Variants in ABCD2 observed in about 807,000 individuals in gnomAD.
ABCD2 encodes the protein ATP-binding cassette sub-family D member 2.
Under a neutral mutation model 70.9 loss-of-function variants are expected in ABCD2, and 36 were observed. The observed-to-expected ratio is 0.51, with a 90% CI of 0.39 to 0.67. The LOEUF (loss-of-function observed/expected upper bound fraction) is 0.67. ABCD2 is among the 30% of genes least tolerant of loss of function. ABCD2 has a pLI of 0.00. For missense variants in ABCD2, 729 were observed against 890.2 expected (o/e 0.82, Z 2.30); for synonymous variants, 304 against 306.9 (o/e 0.99, Z 0.10).
At chr12:39,570,078 G>A (rs532961661) in intron 9 of ABCD2, among the ~76,000 whole-genome samples, 2 of 152,138 alleles carry the variant, frequency 1.3e-5, no homozygotes, top group African/African-American at 4.8e-5. Context: ...GTAAGGAATC[G>A]AAGAAGACAC....
intron 6 of ABCD2, among the ~76,000 whole-genome samples, chr12:39,588,900 GA>G (rs1941704559): frequency 6.6e-6 from 1 of 152,162 alleles, no homozygotes; most frequent in Non-Finnish European, 1.5e-5. Flanking sequence ...AATGGATTGG[GA>G]AAAACAAGTT....
intron 6 of ABCD2, among the ~76,000 whole-genome samples, chr12:39,598,190 G>A (rs967512851): frequency 4.2e-4 from 64 of 152,206 alleles, no homozygotes; most frequent in African/African-American, 1.5e-3. Context: ...AACAATTAAT[G>A]TACATTCTGA....
intron 9 of ABCD2, among the ~76,000 whole-genome samples, chr12:39,568,269 G>T (rs914597914): frequency 1.3e-5 from 2 of 152,190 alleles, no homozygotes; most frequent in African/African-American, 4.8e-5. Flanking sequence ...ACACCAATCA[G>T]ATGTAGATTT....
At chr12:39,539,081 ACC>A in the ABCD2 span, among the ~76,000 whole-genome samples, 1 of 152,062 alleles carries the variant, frequency 6.6e-6, no homozygotes, top group Non-Finnish European at 1.5e-5. Flanking sequence ...TTACACAAGA[ACC>A]CTTCAATAAG....
At chr12:39,558,163 T>C (rs959917907) in intron 9 of ABCD2, among the ~76,000 whole-genome samples, 1 of 152,212 alleles carries the variant, frequency 6.6e-6, no homozygotes, top group Admixed American at 6.5e-5. Flanking sequence ...ATGTGAGATA[T>C]GGAGTTAAAG....
At position 39,594,590 on chromosome 12, in the gene ABCD2, A is replaced by G. The variant is rs148913686; in HGVS notation, c.1646+5981T>C. The stretch of plus-strand genomic sequence containing the variant: ...GCCATCAAAGAAAATATAGATATCA[A>G]TTAAAGATACCAAAGAAAACATAAA... On this transcript the variant is annotated intron_variant, in intron 6 of 9. Coordinates refer to ENST00000308666, the MANE Select transcript of ABCD2 (RefSeq NM_005164.4). 3.8e-3 allele frequency among the ~76,000 whole-genome samples: 579 copies of G among 152,322 alleles called. 3 individuals carry two copies. Among genetic ancestry groups the G allele is most frequent in the Middle Eastern group, 6.8e-3 (2 of 294 alleles).
At chr12:39,541,181 A>G in the ABCD2 span, among the ~76,000 whole-genome samples, 1 of 152,250 alleles carries the variant, frequency 6.6e-6, no homozygotes, top group Non-Finnish European at 1.5e-5. Context: ...ATTAAAGAGT[A>G]ATAGTAAAAC....
At chr12:39,540,171 C>A in the ABCD2 span, among the ~76,000 whole-genome samples, 1 of 152,200 alleles carries the variant, frequency 6.6e-6, no homozygotes, top group Non-Finnish European at 1.5e-5. Context: ...TGACTCTACG[C>A]CAATTCTCTG....
chr12:39,581,770 C>T (rs1477518687), intron 7 of ABCD2, among the ~76,000 whole-genome samples: 1 of 152,088 alleles, frequency 6.6e-6, no homozygotes, highest in East Asian at 1.9e-4. Flanking sequence ...CTACTAAACC[C>T]AAAGGTTTTT....
chr12:39,594,431 C>T (rs918173579), intron 6 of ABCD2, among the ~76,000 whole-genome samples: 6 of 152,158 alleles, frequency 3.9e-5, no homozygotes, highest in African/African-American at 1.4e-4. Flanking sequence ...TAGAGATGCT[C>T]AATCCTGGTT....
intron 9 of ABCD2, among the ~76,000 whole-genome samples, chr12:39,569,078 AC>A (rs759000942): frequency 1.3e-5 from 2 of 152,140 alleles, no homozygotes; most frequent in East Asian, 3.8e-4. Context: ...GGTGTCAGGG[AC>A]CCACTTGAGG....
chr12:39,586,036 A>G (rs562664474), intron 7 of ABCD2, 116 bp downstream of exon 7: 56 of 914,396 alleles, frequency 6.1e-5, no homozygotes, highest in South Asian at 3.5e-4. Context: ...CTTTACACTT[A>G]TGTGCTTATT....
chr12:39,553,917 A>G lies in ABCD2; in HGVS notation c.2218T>C (p.Ser740Pro), dbSNP rs1396534312. The change falls in exon 10 of 10, where the codon TCT (serine) becomes CCT (proline). Residue 740 changes from serine to proline, a missense_variant. By Grantham distance (74) the Ser-to-Pro change is moderately conservative. Around this residue, in one of 3 missense-constraint regions of ABCD2, gnomAD observed 289 missense variants for 328.8 expected, o/e 0.88. Transcript: ENST00000308666. ...TTAAAATATGTCAAAACAAATTAAG[A>G]TGTCTCATCTTCATTTTTAATTGTT... ...LKTIKNEDET[S>P] 1.1e-5 allele frequency: 18 copies of G among 1,599,890 alleles called. No homozygotes were observed. The highest frequency in any genetic ancestry group is 1.7e-5 in the Admixed American group (1 of 59,214).
At chr12:39,580,185 C>T (rs190635606) in intron 7 of ABCD2, among the ~76,000 whole-genome samples, 1 of 152,254 alleles carries the variant, frequency 6.6e-6, no homozygotes, top group Admixed American at 6.5e-5. Context: ...GAGCTATTTA[C>T]CCTCCTCAGC....
chr12:39,585,010 T>C (rs902985668), intron 7 of ABCD2, among the ~76,000 whole-genome samples: 2 of 152,220 alleles, frequency 1.3e-5, no homozygotes, highest in African/African-American at 4.8e-5. Flanking sequence ...GGCTCTTTCT[T>C]GGTTCCAAAC....
intron 2 of ABCD2, among the ~76,000 whole-genome samples, chr12:39,613,139 C>G (rs564701137): frequency 1.1e-5 from 1 of 87,722 alleles, no homozygotes; most frequent in African/African-American, 8.6e-5. Flanking sequence ...GTAATCCCAG[C>G]ACTTTGGGAG....
intron 6 of ABCD2, among the ~76,000 whole-genome samples, chr12:39,593,896 A>T (rs11172713): frequency 0.28 from 43,322 of 152,096 alleles, 9,458 homozygotes; most frequent in African/African-American, 0.62. Flanking sequence ...GTAGAGAATA[A>T]AATTTAATTT....
At chr12:39,534,402 C>T in the ABCD2 span, among the ~76,000 whole-genome samples, 1,944 of 152,284 alleles carry the variant, frequency 0.013, 16 homozygotes, top group Non-Finnish European at 0.021. Flanking sequence ...ATTTTCCCCT[C>T]CTATCATTAG....
chr12:39,535,698 T>C, the ABCD2 span, among the ~76,000 whole-genome samples: 1 of 152,200 alleles, frequency 6.6e-6, no homozygotes, highest in Non-Finnish European at 1.5e-5. Flanking sequence ...AATCTCTTAA[T>C]TTTCAACACT....
Sources: gnomAD v4.1 joint callset for allele counts (sites outside exome capture counted in the v4.1 genomes callset) on GRCh38, gnomAD v4.1.1 for gene constraint, gnomAD v4.1.1 regional missense constraint, MANE v1.5 for transcripts, NCBI Gene and HGNC (gene_info 2026-07-23, HGNC 2026-07-21) for gene names.